Variants in EXOC6B observed in about 807,000 individuals in gnomAD.
The protein encoded by EXOC6B is SEC15 homolog B.
Under a neutral mutation model 113.5 loss-of-function variants are expected in EXOC6B, and 54 were observed. That is an observed-to-expected ratio of 0.48 (90% CI 0.38 to 0.60). The LOEUF (loss-of-function observed/expected upper bound fraction) is 0.60, where lower values mean the gene tolerates loss of function less well. EXOC6B is among the 20% of genes least tolerant of loss of function. EXOC6B has a pLI of 0.00. For synonymous variants in EXOC6B, 357 were observed against 339.0 expected (o/e 1.05, Z -0.58); for missense variants, 797 against 977.5 (o/e 0.82, Z 2.46).
At chr2:72,323,098 G>A (rs1436558459) in intron 20 of EXOC6B, among the ~76,000 whole-genome samples, 2 of 152,024 alleles carry the variant, frequency 1.3e-5, no homozygotes, top group Non-Finnish European at 2.9e-5. Flanking sequence ...CCCTGACAAA[G>A]CACTAATATC....
At position 72,379,843 on chromosome 2, in the gene EXOC6B, A is replaced by T. The variant is rs2105063452; in HGVS notation, c.2008T>A (p.Ser670Thr). Reference sequence around the variant, plus strand: ...GATGTGGCTAAATGCTTGCAAGCTGACATACACGCTGTCTGGGCCACCTTT... The same window carrying T: ...GATGTGGCTAAATGCTTGCAAGCTGTCATACACGCTGTCTGGGCCACCTTT... Reference protein sequence around the residue: ...PGKVAQTACMSACKHLATSLM... With the variant: ...PGKVAQTACMTACKHLATSLM... The change falls in exon 19 of 22, where the codon TCA (serine) becomes ACA (threonine). Residue 670 changes from serine (S) to threonine (T), a missense_variant. Coordinates refer to ENST00000272427, the MANE Select transcript of EXOC6B (RefSeq NM_015189.3). The T allele has an allele frequency of 6.2e-7, 1 of 1,612,528 alleles. No homozygotes were observed. Among genetic ancestry groups the T allele is most frequent in the South Asian group, 1.1e-5 (1 of 90,808 alleles).
At chr2:72,505,078 T>C (rs967263207) in intron 11 of EXOC6B, among the ~76,000 whole-genome samples, 1 of 152,222 alleles carries the variant, frequency 6.6e-6, no homozygotes, top group East Asian at 1.9e-4. Context: ...TTTTTTCTTA[T>C]AATTTTATTG....
At chr2:72,338,096 T>C (rs1471204121) in intron 19 of EXOC6B, among the ~76,000 whole-genome samples, 2 of 152,106 alleles carry the variant, frequency 1.3e-5, no homozygotes, top group East Asian at 3.9e-4. Flanking sequence ...GCAATAAAAA[T>C]CAGAATTTGA....
intron 20 of EXOC6B, among the ~76,000 whole-genome samples, chr2:72,286,587 T>A (rs1433573733): frequency 6.6e-6 from 1 of 152,174 alleles, no homozygotes; most frequent in Non-Finnish European, 1.5e-5. Context: ...TCATTAGATA[T>A]TTGTTCAAAT....
chr2:72,250,252 G>C (rs1682927622), intron 20 of EXOC6B, among the ~76,000 whole-genome samples: 1 of 152,142 alleles, frequency 6.6e-6, no homozygotes, highest in Admixed American at 6.5e-5. Context: ...TGTATTGCTT[G>C]GTTGGAGCCT....
chr2:72,753,247 T>TA (rs34867991), intron 1 of EXOC6B, among the ~76,000 whole-genome samples: 2 of 147,784 alleles, frequency 1.4e-5, no homozygotes, highest in Non-Finnish European at 3.0e-5. Flanking sequence ...TCTCTTGAAT[T>TA]AAAAAAAAAA....
chr2:72,537,737 T>C (rs566412968), intron 8 of EXOC6B, among the ~76,000 whole-genome samples: 4 of 152,318 alleles, frequency 2.6e-5, no homozygotes, highest in Admixed American at 6.5e-5. Flanking sequence ...CTGGGTCATA[T>C]TGATTACTTT....
intron 17 of EXOC6B, among the ~76,000 whole-genome samples, chr2:72,474,554 A>C (rs1338680068): frequency 1.3e-5 from 2 of 151,716 alleles, no homozygotes; most frequent in East Asian, 3.9e-4. Context: ...GAAGATTTTG[A>C]ACATATTTTG....
At chr2:72,257,110 A>G (rs1407270903) in intron 20 of EXOC6B, among the ~76,000 whole-genome samples, 2 of 152,182 alleles carry the variant, frequency 1.3e-5, no homozygotes, top group African/African-American at 4.8e-5. Flanking sequence ...CTCCACAAAG[A>G]CAACGCACAT....
intron 20 of EXOC6B, among the ~76,000 whole-genome samples, chr2:72,195,882 A>T (rs1009049640): frequency 1.3e-5 from 2 of 152,194 alleles, no homozygotes; most frequent in Admixed American, 1.3e-4. Context: ...AAATTTACTT[A>T]ACCTGAGTAC....
intron 20 of EXOC6B, among the ~76,000 whole-genome samples, chr2:72,284,291 T>G (rs989548752): frequency 6.6e-6 from 1 of 152,150 alleles, no homozygotes; most frequent in Non-Finnish European, 1.5e-5. Flanking sequence ...TAAGTGGGAT[T>G]TATCCCAGGT....
At chr2:72,742,235 T>C (rs760350105) in intron 1 of EXOC6B, among the ~76,000 whole-genome samples, 1 of 152,222 alleles carries the variant, frequency 6.6e-6, no homozygotes, top group Non-Finnish European at 1.5e-5. Context: ...TCCTGCAAGT[T>C]TTCCCATTTA....
intron 1 of EXOC6B, among the ~76,000 whole-genome samples, chr2:72,747,967 C>A (rs1464623530): frequency 1.3e-5 from 2 of 151,916 alleles, no homozygotes; most frequent in Non-Finnish European, 2.9e-5. Context: ...TATGTCTTAC[C>A]CATTTTATCT....
At chr2:72,346,932 C>G (rs1456514195) in intron 19 of EXOC6B, among the ~76,000 whole-genome samples, 2 of 152,170 alleles carry the variant, frequency 1.3e-5, no homozygotes, top group African/African-American at 4.8e-5. Flanking sequence ...TTGCTGAAGA[C>G]TTTCATATTA....
rs141514102 is a variant in EXOC6B at position 72,451,654 on chromosome 2, CTGTGTG to C, written c.1980+13500_1980+13505del. 1.8e-3 allele frequency among the ~76,000 whole-genome samples: 250 copies of C among 142,592 alleles called. 2 individuals carry two copies. The highest frequency in any genetic ancestry group is 5.9e-3 in the African/African-American group (228 of 38,546). 93.5% of individuals were successfully genotyped at this position (142,592 alleles called of 152,430 possible). On this transcript the variant is annotated intron_variant, in intron 18 of 21. Transcript: ENST00000272427. ...GAAAATTCACTTTTTGTCTTTGTGC[CTGTGTG>C]TGTGTGTGTGTGTGTGTGTGTGTGT...
At chr2:72,607,585 A>G (rs929407120) in intron 6 of EXOC6B, among the ~76,000 whole-genome samples, 1 of 152,142 alleles carries the variant, frequency 6.6e-6, no homozygotes, top group South Asian at 2.1e-4. Context: ...TGAATATTTT[A>G]TATCTTAGAG....
At chr2:72,183,181 G>C (rs1252039367) in intron 21 of EXOC6B, among the ~76,000 whole-genome samples, 1 of 152,094 alleles carries the variant, frequency 6.6e-6, no homozygotes, top group Admixed American at 6.5e-5. Flanking sequence ...CCTAGGATTT[G>C]AGACATGGTT....
Position 72,805,825 on chromosome 2 carries a change from C to G in EXOC6B, c.113+19973G>C, listed in dbSNP as rs531385899. ...TCTGGCAACCACCAACCATTCTACC[C>G]TCTGCTTCTATGAGTTAAATTTTTT... On this transcript the variant is annotated intron_variant, in intron 1 of 21. Coordinates refer to ENST00000272427, the MANE Select transcript of EXOC6B (RefSeq NM_015189.3). 3.9e-5 allele frequency among the ~76,000 whole-genome samples: 6 copies of G among 152,222 alleles called. No individual in the cohort carries two copies. The South Asian group carries it at 1.2e-3, about 32-fold the overall frequency.
chr2:72,614,951 G>C (rs990205309), intron 6 of EXOC6B, among the ~76,000 whole-genome samples: 12 of 152,040 alleles, frequency 7.9e-5, no homozygotes, highest in Admixed American at 6.6e-5. Flanking sequence ...GCCACACAGA[G>C]CTCCAACAGA....
Sources: gnomAD v4.1 joint callset for allele counts (sites outside exome capture counted in the v4.1 genomes callset) on GRCh38, gnomAD v4.1.1 for gene constraint, MANE v1.5 for transcripts, NCBI Gene and HGNC (gene_info 2026-07-23, HGNC 2026-07-21) for gene names.